The following POP1 variants were observed in gnomAD, a reference collection of about 807,000 sequenced individuals.
POP1 encodes the protein ribonucleases P/MRP protein subunit POP1.
Under a neutral mutation model 102.2 loss-of-function variants are expected in POP1, and 75 were observed. The ratio of observed to expected loss-of-function variants is 0.73; its 90% CI spans 0.61 to 0.89. POP1 has a LOEUF of 0.89. Ranked by LOEUF, POP1 falls within the 40% of genes least tolerant of loss-of-function variation. The probability of loss-of-function intolerance (pLI) is 0.00; values close to 1 mark genes in which losing one functional copy is unlikely to be tolerated. For synonymous variants in POP1, 436 were observed against 464.1 expected, an observed-to-expected ratio of 0.94 and a Z score of 0.78; for missense variants, 1,116 against 1,267.4, an observed-to-expected ratio of 0.88 and a Z score of 1.81.
intron 3 of POP1, among the ~76,000 whole-genome samples, 157 bp from the exon 4 acceptor site, chr8:98,128,208 A>C (rs1476743669): frequency 6.6e-6 from 1 of 151,662 alleles, no homozygotes; most frequent in Non-Finnish European, 1.5e-5. Flanking sequence ...TAAACCCTAT[A>C]TTCCTTGTAC....
intron 14 of POP1, among the ~76,000 whole-genome samples, chr8:98,152,516 C>T (rs940341173): frequency 6.6e-6 from 1 of 152,188 alleles, no homozygotes; most frequent in South Asian, 2.1e-4. Flanking sequence ...AGAGAACGAG[C>T]ACGGCTGTGT....
chr8:98,146,591 C>CT lies in POP1; in HGVS notation c.1620dup (p.Leu541SerfsTer11), dbSNP rs1346847460. On this transcript the variant is annotated frameshift_variant, in exon 12 of 16. Transcript: ENST00000401707. LOFTEE classifies it high-confidence loss of function. ...AGATAATGAGAAAGTTAGACAGCTG[C>CT]TTCTGGAGGGTGTGCCTGTGGAATG... The CT allele has an allele frequency of 6.2e-6, 10 of 1,613,750 alleles. No individual in the cohort carries two copies. Among genetic ancestry groups the CT allele is most frequent in the Non-Finnish European group, 7.6e-6 (9 of 1,179,786 alleles).
Position 98,150,598 on chromosome 8 carries a change from T to C in POP1, c.2016T>C (p.Phe672=). ...CAGACTGCCCTGCCGGGATGCTGTTTGCGGAAGAGCAAGCTAAGAATCTTC... is the reference window on the plus strand; with the variant it reads ...CAGACTGCCCTGCCGGGATGCTGTTCGCGGAAGAGCAAGCTAAGAATCTTC... ...DFPDCPAGML[F]AEEQAKNLLE... is the part of the protein sequence containing the mutation. Residue 672 remains phenylalanine (F), a synonymous_variant, in exon 14 of 16, where the codon TTT becomes TTC. Transcript: ENST00000401707. 6.2e-7 allele frequency: 1 copy of C among 1,614,252 alleles called. No homozygotes were observed. The highest frequency in any genetic ancestry group is 2.2e-5 in the East Asian group (1 of 44,888).
intron 11 of POP1, among the ~76,000 whole-genome samples, chr8:98,141,137 G>A (rs955073773): frequency 4.0e-5 from 6 of 151,532 alleles, no homozygotes; most frequent in Admixed American, 6.6e-5. Flanking sequence ...TCTTTTTTTA[G>A]TATCTAGTAA....
rs1192894476 is a variant in POP1, at chr8:98,130,027, A to G, written c.536A>G (p.His179Arg). ...AAAGAACATTCAAAAAATAAATGCC[A>G]TAAAGCTCGAAGATGTCACATGAAC... ...QKKEHSKNKC[H>R]KARRCHMNRT... Residue 179 changes from histidine (H) to arginine (R), a missense_variant, in exon 5 of 16, where the codon CAT becomes CGT. His to Arg is a conservative substitution (Grantham distance 29). Transcript: ENST00000401707. 3 of 1,613,976 alleles carry G rather than the reference A, an allele frequency of 1.9e-6. No individual in the cohort carries two copies. The highest frequency in any genetic ancestry group is 1.7e-5 in the Admixed American group (1 of 59,992).
chr8:98,119,211 T>G (rs1430081192), intron 1 of POP1, among the ~76,000 whole-genome samples: 1 of 152,240 alleles, frequency 6.6e-6, no homozygotes, highest in East Asian at 1.9e-4. Flanking sequence ...AATTCACCAT[T>G]TAAGTTTTTA....
At position 98,157,909 on chromosome 8, in the gene POP1, A is replaced by G. The variant is rs1222234224; in HGVS notation, c.2713A>G (p.Arg905Gly). The stretch of plus-strand genomic sequence containing the variant: ...GGAATCCAAACACAGTGACCCATTC[A>G]GGAGCAAGATCCTGAAACAGAAAGA... ...PQESKHSDPF[R>G]SKILKQKEKK... Residue 905 changes from arginine (R) to glycine (G), a missense_variant, in exon 16 of 16, where the codon AGG becomes GGG. Arg to Gly is a moderately radical substitution (Grantham distance 125, BLOSUM62 -2). Transcript: ENST00000401707. The G allele has an allele frequency of 1.2e-6, 2 of 1,614,196 alleles. No homozygotes were observed. Among genetic ancestry groups the G allele is most frequent in the East Asian group, 4.5e-5 (2 of 44,884 alleles).
At chr8:98,145,337 G>A (rs1816814549) in intron 11 of POP1, among the ~76,000 whole-genome samples, 1 of 152,158 alleles carries the variant, frequency 6.6e-6, no homozygotes, top group African/African-American at 2.4e-5. Context: ...GCAGGTATGT[G>A]CCTTTGAGTG....
In POP1 at chr8:98,134,484, C is replaced by T; in HGVS notation, c.836C>T (p.Ala279Val). 6.2e-7 allele frequency: 1 copy of T among 1,614,112 alleles called. No homozygotes were observed. Among genetic ancestry groups the T allele is most frequent in the East Asian group, 2.2e-5 (1 of 44,886 alleles). Reference sequence around the variant, plus strand: ...TTGTTGATGTCAGGGCTGACGTTTGCAGCAGTTCACTGCTTGTCTGGAAAG... The same window carrying T: ...TTGTTGATGTCAGGGCTGACGTTTGTAGCAGTTCACTGCTTGTCTGGAAAG... ...MCNIDTGLTFAAVHCLSGKRQ... is the reference protein window; with the variant it reads ...MCNIDTGLTFVAVHCLSGKRQ... Residue 279 changes from alanine to valine, a missense_variant, in exon 7 of 16, where the codon GCA (alanine) becomes GTA (valine). Ala to Val is a moderately conservative substitution (Grantham distance 64). Transcript: ENST00000401707.
intron 1 of POP1, among the ~76,000 whole-genome samples, chr8:98,122,190 G>C (rs537962824): frequency 6.6e-6 from 1 of 152,146 alleles, no homozygotes; most frequent in Admixed American, 6.5e-5. Flanking sequence ...AAGCAAGTTT[G>C]TACTTTTTTT....
At position 98,140,232 on chromosome 8, in the gene POP1, G is replaced by T. The variant is rs373896518; in HGVS notation, c.1474+43G>T. ...TGGGTTGTGTTGGGGAGGGAAGGGG[G>T]CCAAAAGAGCCTTTTGCAGTTGGGC... On this transcript the variant is annotated intron_variant, in intron 10 of 15. Transcript: ENST00000401707. 6 of 1,534,352 alleles carry T rather than the reference G, an allele frequency of 3.9e-6. No homozygotes were observed. In the East Asian group the frequency reaches 1.3e-4, roughly 35 times the overall value.
At chr8:98,157,171 C>T (rs1809673852) in intron 15 of POP1, among the ~76,000 whole-genome samples, 1 of 152,116 alleles carries the variant, frequency 6.6e-6, no homozygotes, top group South Asian at 2.1e-4. Flanking sequence ...GCCACTGCGC[C>T]CGGCCTGTGC....
chr8:98,131,176 T>A (rs1039331436), intron 5 of POP1, among the ~76,000 whole-genome samples: 10 of 152,242 alleles, frequency 6.6e-5, no homozygotes, highest in African/African-American at 2.4e-4. Context: ...ATTAAGTACG[T>A]TTACGTTGTG....
At chr8:98,146,439 A>G in intron 11 of POP1, 129 bp from the exon 12 acceptor site, 1 of 749,304 alleles carries the variant, frequency 1.3e-6, no homozygotes, top group South Asian at 1.5e-5. Flanking sequence ...CTTGTCAAGT[A>G]AATTCTTCTA....
rs1816845462 is a variant in POP1, at chr8:98,146,481, G to GT, written c.1595-86dup. ...GTAAATGCCTATGAAATATTGTTTTGTAACAAAAGGCCTATTGCCAATGTT... is the reference window on the plus strand; with the variant it reads ...GTAAATGCCTATGAAATATTGTTTTGTTAACAAAAGGCCTATTGCCAATGTT... On this transcript the variant is annotated intron_variant, in intron 11 of 15. Transcript: ENST00000401707. 6 of 913,882 alleles carry GT rather than the reference G, an allele frequency of 6.6e-6. No homozygotes were observed. The East Asian group carries it at 1.5e-4, about 22-fold the overall frequency. 56.6% of individuals were successfully genotyped at this position (913,882 alleles called of 1,614,324 possible).
At chr8:98,148,290 C>A (rs531608538) in intron 12 of POP1, among the ~76,000 whole-genome samples, 1 of 152,272 alleles carries the variant, frequency 6.6e-6, no homozygotes, top group Non-Finnish European at 1.5e-5. Flanking sequence ...CTCTTACCTA[C>A]CTGTTAATCT....
chr8:98,139,775 C>T (rs551562032), intron 9 of POP1, among the ~76,000 whole-genome samples: 75 of 152,218 alleles, frequency 4.9e-4, no homozygotes, highest in African/African-American at 1.8e-3. Flanking sequence ...TGGTACTGCG[C>T]TCTGGAGAGA....
intron 1 of POP1, 46 bp from the exon 2 acceptor site, chr8:98,123,290 G>A (rs1283933967): frequency 1.3e-6 from 2 of 1,595,132 alleles, no homozygotes; most frequent in African/African-American, 1.3e-5. Context: ...TTATTTTTGA[G>A]TGGAAGTTTC....
chr8:98,132,718 T>G (rs1404090772), intron 5 of POP1, among the ~76,000 whole-genome samples: 2 of 152,074 alleles, frequency 1.3e-5, no homozygotes, highest in Non-Finnish European at 2.9e-5. Context: ...GAAGACTAAA[T>G]GACTGTTCAT....
Sources: allele counts gnomAD v4.1 joint callset (sites outside exome capture counted in the v4.1 genomes callset), GRCh38; gene constraint gnomAD v4.1.1; transcripts MANE v1.5; gene names NCBI Gene and HGNC (gene_info 2026-07-23, HGNC 2026-07-21).